MEF2A: variants seen among roughly 807,000 people sequenced by gnomAD.
The protein encoded by MEF2A is myocyte enhancer factor 2A, also known as myocyte-specific enhancer factor 2A.
Under a neutral mutation model 55.8 loss-of-function variants are expected in MEF2A, and 28 were observed. The observed-to-expected ratio is 0.50, with a 90% CI of 0.37 to 0.69. The LOEUF is 0.69. MEF2A is among the 30% of genes least tolerant of loss of function. The probability of loss-of-function intolerance (pLI) is 0.00; values close to 1 mark genes in which losing one functional copy is unlikely to be tolerated. For missense variants in MEF2A, 528 were observed against 626.2 expected, an observed-to-expected ratio of 0.84 and a Z score of 1.67; for synonymous variants, 239 against 227.1, an observed-to-expected ratio of 1.05 and a Z score of -0.47.
chr15:99,593,898 T>G (rs901907971), intron 1 of MEF2A, among the ~76,000 whole-genome samples: 4 of 152,222 alleles, frequency 2.6e-5, no homozygotes, highest in Admixed American at 2.0e-4. Context: ...TTGTTTTGTT[T>G]TTAATCACCT....
At chr15:99,614,226 G>C (rs1352728474) in intron 2 of MEF2A, among the ~76,000 whole-genome samples, 1 of 152,126 alleles carries the variant, frequency 6.6e-6, no homozygotes, top group Non-Finnish European at 1.5e-5. Context: ...TAAATATTAA[G>C]TTACCTTCCC....
At chr15:99,615,133 A>G (rs2039983831) in intron 2 of MEF2A, among the ~76,000 whole-genome samples, 1 of 152,190 alleles carries the variant, frequency 6.6e-6, no homozygotes, top group South Asian at 2.1e-4. Context: ...TGGTACAGAA[A>G]AGGAACAGGC....
At chr15:99,706,335 G>A (rs1379286556) in intron 9 of MEF2A, among the ~76,000 whole-genome samples, 4 of 152,200 alleles carry the variant, frequency 2.6e-5, no homozygotes, top group Non-Finnish European at 4.4e-5. Flanking sequence ...ACTCATAGAC[G>A]TACAATCCCT....
chr15:99,612,014 G>T (rs1165990788), intron 2 of MEF2A, among the ~76,000 whole-genome samples: 1 of 152,176 alleles, frequency 6.6e-6, no homozygotes, highest in Non-Finnish European at 1.5e-5. Context: ...GGGAGAGGAA[G>T]GAGTGGGGAA....
At chr15:99,613,391 A>G (rs2039639218) in intron 2 of MEF2A, among the ~76,000 whole-genome samples, 1 of 152,226 alleles carries the variant, frequency 6.6e-6, no homozygotes, top group Non-Finnish European at 1.5e-5. Flanking sequence ...ATGCAACAAT[A>G]GTAAACGGCA....
chr15:99,573,201 T>G (rs1963063322), intron 1 of MEF2A, among the ~76,000 whole-genome samples: 1 of 144,740 alleles, frequency 6.9e-6, no homozygotes, highest in Admixed American at 7.4e-5. Flanking sequence ...GGCAGGAGAA[T>G]GGCGTGAACC....
At chr15:99,588,348 C>G (rs1483425014) in intron 1 of MEF2A, among the ~76,000 whole-genome samples, 3 of 152,262 alleles carry the variant, frequency 2.0e-5, no homozygotes, top group African/African-American at 7.2e-5. Flanking sequence ...GTTGCCCAGG[C>G]TGGAGTGCAG....
chr15:99,596,410 T>G (rs1169514980), intron 1 of MEF2A, among the ~76,000 whole-genome samples: 1 of 151,922 alleles, frequency 6.6e-6, no homozygotes, highest in Non-Finnish European at 1.5e-5. Context: ...AAAAAAAAAC[T>G]TGTTTATGTG....
chr15:99,694,480 A>G (rs970943522), intron 8 of MEF2A, among the ~76,000 whole-genome samples: 6 of 152,244 alleles, frequency 3.9e-5, no homozygotes, highest in Non-Finnish European at 7.3e-5. Flanking sequence ...AATGAGTACT[A>G]CATGCGAGTG....
At chr15:99,702,931 C>T (rs916799588) in intron 8 of MEF2A, among the ~76,000 whole-genome samples, 4 of 152,186 alleles carry the variant, frequency 2.6e-5, no homozygotes, top group African/African-American at 9.7e-5. Context: ...AAGCAGAATT[C>T]AGTAGGAGAT....
rs145735436 is a variant in MEF2A at position 99,647,340 on chromosome 15, C to T, written c.258+1576C>T. 7.3e-5 allele frequency among the ~76,000 whole-genome samples: 11 copies of T among 150,220 alleles called. No individual in the cohort carries two copies. In the East Asian group the frequency reaches 1.9e-3, roughly 26 times the overall value. The stretch of plus-strand genomic sequence containing the variant: ...AATCTATATGTCTCATCAAAAGTTA[C>T]ACTGCCTCAACTCAAACCAATGGAG... On this transcript the variant is annotated intron_variant, in intron 4 of 11. Coordinates refer to ENST00000557942, the MANE Select transcript of MEF2A (RefSeq NM_001319206.4).
chr15:99,661,272 A>G (rs1053957740), intron 4 of MEF2A, among the ~76,000 whole-genome samples: 3 of 152,210 alleles, frequency 2.0e-5, no homozygotes, highest in African/African-American at 7.2e-5. Context: ...AGCTATTTGC[A>G]GGATAATATA....
chr15:99,706,572 GTTA>G (rs2153811565), intron 9 of MEF2A, 154 bp from the exon 10 acceptor site: 1 of 701,630 alleles, frequency 1.4e-6, no homozygotes, highest in East Asian at 2.8e-5. Context: ...TAAATATTTA[GTTA>G]TTCTCACTAG....
At chr15:99,647,680 A>G (rs530931958) in intron 4 of MEF2A, among the ~76,000 whole-genome samples, 1 of 152,312 alleles carries the variant, frequency 6.6e-6, no homozygotes, top group South Asian at 2.1e-4. Flanking sequence ...ATATGAAGGA[A>G]AACTTTTGCG....
intron 2 of MEF2A, among the ~76,000 whole-genome samples, chr15:99,615,654 G>A (rs568282408): frequency 3.3e-5 from 5 of 152,206 alleles, no homozygotes; most frequent in South Asian, 2.1e-4. Flanking sequence ...GAATGCAGGC[G>A]GGCATGCTGC....
At chr15:99,658,166 G>C (rs2048054765) in intron 4 of MEF2A, among the ~76,000 whole-genome samples, 1 of 152,114 alleles carries the variant, frequency 6.6e-6, no homozygotes, top group African/African-American at 2.4e-5. Context: ...TTATAGAACA[G>C]TTTCACTTTC....
chr15:99,704,912 T>C (rs764826298), intron 9 of MEF2A, among the ~76,000 whole-genome samples: 36 of 152,368 alleles, frequency 2.4e-4, no homozygotes, highest in African/African-American at 2.2e-4. Flanking sequence ...ACATCTGTAA[T>C]TACAGAACCT....
chr15:99,576,878 A>T (rs1185984369), intron 1 of MEF2A, among the ~76,000 whole-genome samples: 2 of 152,080 alleles, frequency 1.3e-5, no homozygotes, highest in Non-Finnish European at 2.9e-5. Context: ...TGATCTCCTG[A>T]CCTCATGATC....
At chr15:99,572,939 A>C (rs568781365) in intron 1 of MEF2A, among the ~76,000 whole-genome samples, 108 of 152,322 alleles carry the variant, frequency 7.1e-4, no homozygotes, top group African/African-American at 2.5e-3. Flanking sequence ...GTATCTACCA[A>C]CCAACCTATT....
Sources: allele counts gnomAD v4.1 joint callset (sites outside exome capture counted in the v4.1 genomes callset), GRCh38; gene constraint gnomAD v4.1.1; transcripts MANE v1.5; gene names NCBI Gene and HGNC (gene_info 2026-07-23, HGNC 2026-07-21).